Variants in TEAD4 observed in about 807,000 individuals in gnomAD.
The protein encoded by TEAD4 is TEA domain transcription factor 4.
In TEAD4, 36 loss-of-function variants were observed where a neutral mutation model predicts 52.4. The ratio of observed to expected loss-of-function variants is 0.69; its 90% CI spans 0.53 to 0.91. The LOEUF (loss-of-function observed/expected upper bound fraction) is 0.91. Ranked by LOEUF, TEAD4 falls within the 40% of genes least tolerant of loss-of-function variation. The probability of loss-of-function intolerance (pLI) is 0.00; values close to 1 mark genes in which losing one functional copy is unlikely to be tolerated. For missense variants in TEAD4, 508 were observed against 583.9 expected, an observed-to-expected ratio of 0.87 and a Z score of 1.34; for synonymous variants, 220 against 231.0, an observed-to-expected ratio of 0.95 and a Z score of 0.43.
chr12:3,008,513 G>A (rs1266701454), intron 3 of TEAD4, among the ~76,000 whole-genome samples: 2 of 152,140 alleles, frequency 1.3e-5, no homozygotes, highest in Non-Finnish European at 2.9e-5. Flanking sequence ...TTTGAATTTC[G>A]ATAGGGTCGC....
intron 5 of TEAD4, among the ~76,000 whole-genome samples, chr12:3,016,268 T>C (rs969027266): frequency 1.3e-5 from 2 of 152,098 alleles, no homozygotes; most frequent in Non-Finnish European, 2.9e-5. Flanking sequence ...GCTCAAGCGA[T>C]CTACCAACCT....
rs2098213831 is a variant in TEAD4 at position 2,959,868 on chromosome 12, G to C, written c.-122-80G>C. 1 of 151,668 alleles carries C rather than the reference G, an allele frequency of 6.6e-6. No individual in the cohort carries two copies. The highest frequency in any genetic ancestry group is 2.1e-4 in the South Asian group (1 of 4,826). The allele number at this position is 151,668 out of a possible 1,614,324, so 9.4% of individuals were successfully genotyped here. A position where few individuals can be genotyped will look rare whatever the true frequency, so the allele number is the denominator to read the frequency against. ...GTCGGCGCGGGGTGGGCTTGGCCCC[G>C]CGGCCCCGCCTTCACTGCGCCGCCC... On this transcript the variant is annotated intron_variant, in intron 1 of 12. Transcript: ENST00000359864. This position sits in a 1 kb window ranked among gnomAD's most constrained non-coding sequence, Gnocchi z 5.1.
chr12:2,982,136 A>C (rs4766021), intron 2 of TEAD4, among the ~76,000 whole-genome samples: 120,608 of 151,956 alleles, frequency 0.79, 48,705 homozygotes, highest in Middle Eastern at 0.89. Context: ...TGAGGCTTGG[A>C]CTCTCCATTT....
chr12:2,977,449 C>T (rs531141044), intron 2 of TEAD4, among the ~76,000 whole-genome samples: 7 of 152,230 alleles, frequency 4.6e-5, no homozygotes, highest in Non-Finnish European at 7.3e-5. Context: ...GCCTCCCCCC[C>T]TCTCACCTGC....
chr12:3,034,143 C>T (rs2098277800), intron 10 of TEAD4, among the ~76,000 whole-genome samples: 1 of 147,394 alleles, frequency 6.8e-6, no homozygotes, highest in African/African-American at 2.7e-5. Context: ...CTCTCTGGGC[C>T]CCCCTGCCTC....
At chr12:2,972,710 A>G (rs2098226292) in intron 2 of TEAD4, among the ~76,000 whole-genome samples, 1 of 151,986 alleles carries the variant, frequency 6.6e-6, no homozygotes, top group South Asian at 2.1e-4. Flanking sequence ...CATGTTGGTC[A>G]GGTTGGTCTC....
chr12:2,962,742 A>G (rs2098216840), intron 2 of TEAD4, among the ~76,000 whole-genome samples: 2 of 152,168 alleles, frequency 1.3e-5, no homozygotes, highest in Admixed American at 1.3e-4. Context: ...CTGGGATTAC[A>G]GGCGTGAGCC....
At chr12:2,987,922 A>G (rs911067669) in intron 2 of TEAD4, among the ~76,000 whole-genome samples, 5 of 151,184 alleles carry the variant, frequency 3.3e-5, no homozygotes, top group Admixed American at 2.6e-4. Flanking sequence ...AAAATTAGCC[A>G]GGCGTGATGG....
At chr12:2,981,313 G>T (rs1049519760) in intron 2 of TEAD4, among the ~76,000 whole-genome samples, 3 of 152,206 alleles carry the variant, frequency 2.0e-5, no homozygotes, top group Admixed American at 2.0e-4. Flanking sequence ...CTTCTTTCCC[G>T]CCCAGGTCCC....
At chr12:3,014,688 G>C (rs1048944850) in intron 5 of TEAD4, among the ~76,000 whole-genome samples, 1 of 152,160 alleles carries the variant, frequency 6.6e-6, no homozygotes, top group African/African-American at 2.4e-5. Context: ...TGACATCCAA[G>C]TTCCCCTCCC....
intron 10 of TEAD4, among the ~76,000 whole-genome samples, chr12:3,033,873 C>T (rs538998733): frequency 6.8e-6 from 1 of 146,782 alleles, no homozygotes; most frequent in South Asian, 2.1e-4. Context: ...CAGGAAATGT[C>T]AGGAAGGAGT....
intron 3 of TEAD4, among the ~76,000 whole-genome samples, chr12:3,003,857 C>T (rs2098253655): frequency 6.6e-6 from 1 of 152,216 alleles, no homozygotes; most frequent in Non-Finnish European, 1.5e-5. Context: ...GAGGGAGAAG[C>T]CTGTGGTTAT....
intron 10 of TEAD4, among the ~76,000 whole-genome samples, chr12:3,036,789 C>T (rs1467131185): frequency 1.3e-5 from 2 of 152,126 alleles, no homozygotes; most frequent in East Asian, 1.9e-4. Flanking sequence ...ACCCCTAAGG[C>T]GTAGGGCTTC....
chr12:3,012,599 C>T (rs2098261237), intron 5 of TEAD4, among the ~76,000 whole-genome samples: 1 of 152,054 alleles, frequency 6.6e-6, no homozygotes, highest in Non-Finnish European at 1.5e-5. Flanking sequence ...GGGGGGGTGC[C>T]TGCTGTGGGG....
intron 2 of TEAD4, among the ~76,000 whole-genome samples, chr12:2,988,908 C>T (rs945069789): frequency 3.3e-5 from 5 of 152,194 alleles, no homozygotes; most frequent in African/African-American, 7.2e-5. Context: ...GGAAGCTTCT[C>T]GAACCGTCCC....
chr12:3,014,150 T>C (rs903682617), intron 5 of TEAD4, among the ~76,000 whole-genome samples: 5 of 152,140 alleles, frequency 3.3e-5, no homozygotes, highest in African/African-American at 1.2e-4. Context: ...CAGCTGTTGC[T>C]CCCGCCTCTC....
intron 10 of TEAD4, among the ~76,000 whole-genome samples, chr12:3,036,213 C>T (rs147749772): frequency 9.6e-4 from 146 of 152,244 alleles, no homozygotes; most frequent in African/African-American, 3.1e-3. Flanking sequence ...TGAAAACAGC[C>T]TTTTTTTCCT....
At chr12:3,031,261 A>G (rs2098275315) in intron 10 of TEAD4, among the ~76,000 whole-genome samples, 1 of 152,186 alleles carries the variant, frequency 6.6e-6, no homozygotes, top group Non-Finnish European at 1.5e-5. Flanking sequence ...GTCCAGGCTC[A>G]GCCCTGACTC....
chr12:2,966,657 C>T (rs1276302134), intron 2 of TEAD4, among the ~76,000 whole-genome samples: 8 of 151,824 alleles, frequency 5.3e-5, no homozygotes, highest in Admixed American at 3.3e-4. Context: ...GTGATCTGCC[C>T]GCCTTGACCT....
Sources: allele counts gnomAD v4.1 joint callset (sites outside exome capture counted in the v4.1 genomes callset), GRCh38; gene constraint gnomAD v4.1.1; non-coding constraint Gnocchi (gnomAD v3.1); transcripts MANE v1.5; gene names NCBI Gene and HGNC (gene_info 2026-07-23, HGNC 2026-07-21).